Variants in FBXO10 observed in about 807,000 individuals in gnomAD.
FBXO10 encodes F-box protein 10.
A neutral mutation model predicts 80.7 loss-of-function variants in FBXO10; 39 were observed. The ratio of observed to expected loss-of-function variants is 0.48; its 90% CI spans 0.37 to 0.63. FBXO10 has a LOEUF of 0.63. Among genes scored for constraint, FBXO10 ranks in the 30% least tolerant of loss-of-function variants. The pLI, the probability that FBXO10 is intolerant of heterozygous loss-of-function variation, is 0.00. For missense variants in FBXO10, 1,025 were observed against 1,269.0 expected (o/e 0.81, Z 2.92); for synonymous variants, 449 against 489.6 (o/e 0.92, Z 1.09).
chr9:37,515,588 T>C lies in FBXO10; in HGVS notation c.2696+316A>G, dbSNP rs1370748614. On this transcript the variant is annotated intron_variant, in intron 10 of 10. Coordinates refer to ENST00000432825, the MANE Select transcript of FBXO10 (RefSeq NM_012166.3). ...ACAGCCCCTCAGAGATTCAGCCAGA[T>C]AGTGTGATCTTATTAAATGGATTTT... 1.8e-5 allele frequency: 4 copies of C among 216,588 alleles called. 1 individual carries two copies. Among genetic ancestry groups the C allele is most frequent in the Non-Finnish European group, 3.6e-5 (4 of 110,858 alleles). The allele number at this position is 216,588 out of a possible 1,614,324, so 13.4% of individuals were successfully genotyped here. A position where few individuals can be genotyped will look rare whatever the true frequency, so the allele number is the denominator to read the frequency against.
intron 4 of FBXO10, among the ~76,000 whole-genome samples, chr9:37,529,507 G>A (rs1463529490): frequency 6.6e-6 from 1 of 152,186 alleles, no homozygotes; most frequent in Non-Finnish European, 1.5e-5. Flanking sequence ...AGCCTCTTAG[G>A]AGGGCTCTTG....
At position 37,537,429 on chromosome 9, in the gene FBXO10, T is replaced by A; in HGVS notation, c.1100A>T (p.Glu367Val). Reference protein sequence around the residue: ...GLSPSGEDEDEDQLMYRLSYQ... With the variant: ...GLSPSGEDEDVDQLMYRLSYQ... ...GGATAGTCTGTACATCAGCTGGTCC[T>A]CATCTTCATCCTCACCGCTGGGACT... Residue 367 changes from glutamate to valine, a missense_variant, in exon 3 of 11, where the codon GAG becomes GTG. Around this residue, in one of 3 missense-constraint regions of FBXO10, gnomAD observed 450 missense variants for 499.4 expected, o/e 0.90. Transcript: ENST00000432825. 1.2e-6 allele frequency: 2 copies of A among 1,600,834 alleles called. No individual in the cohort carries two copies. The highest frequency in any genetic ancestry group is 1.7e-6 in the Non-Finnish European group (2 of 1,173,454).
At chr9:37,528,676 G>A (rs1383919306) in intron 5 of FBXO10, among the ~76,000 whole-genome samples, 2 of 152,176 alleles carry the variant, frequency 1.3e-5, no homozygotes, top group African/African-American at 4.8e-5. Flanking sequence ...TCCCAGGACT[G>A]CCACTGCTGC....
chr9:37,572,965 G>A (rs957469408), intron 1 of FBXO10, among the ~76,000 whole-genome samples: 3 of 152,138 alleles, frequency 2.0e-5, no homozygotes, highest in African/African-American at 7.2e-5. Context: ...CAGGGTACAT[G>A]CCAAGTAAAT....
chr9:37,518,541 G>A, intron 8 of FBXO10, 103 bp from the exon 9 acceptor site: 3 of 994,370 alleles, frequency 3.0e-6, no homozygotes, highest in South Asian at 3.4e-5. Context: ...GGAGAACGGA[G>A]TGGAGAAGAA....
intron 3 of FBXO10, among the ~76,000 whole-genome samples, chr9:37,533,974 A>G (rs1452120851): frequency 6.6e-6 from 1 of 152,096 alleles, no homozygotes; most frequent in South Asian, 2.1e-4. Context: ...TAAGTAATCT[A>G]GAGATGACTG....
chr9:37,525,243 T>C, intron 5 of FBXO10, 71 bp from the exon 6 acceptor site: 7 of 1,392,542 alleles, frequency 5.0e-6, no homozygotes, highest in Non-Finnish European at 7.0e-6. Context: ...GGAGACTGCC[T>C]TCTTTCATGG....
intron 1 of FBXO10, among the ~76,000 whole-genome samples, chr9:37,544,325 C>T (rs1333661855): frequency 6.6e-6 from 1 of 152,064 alleles, no homozygotes; most frequent in Non-Finnish European, 1.5e-5. Flanking sequence ...CTCAGCTACT[C>T]AGGAGGCTGA....
chr9:37,521,122 AT>A (rs765735732), intron 8 of FBXO10, among the ~76,000 whole-genome samples: 1 of 152,238 alleles, frequency 6.6e-6, no homozygotes, highest in Non-Finnish European at 1.5e-5. Flanking sequence ...TTCAAGTTTA[AT>A]GAATAAATAC....
rs1000820434 is a variant in FBXO10, at chr9:37,522,573, C to T, written c.1930+252G>A. On this transcript the variant is annotated intron_variant, in intron 7 of 10. Coordinates refer to ENST00000432825, the MANE Select transcript of FBXO10 (RefSeq NM_012166.3). ...CCTGTCCTTAAGACATGACACAACT[C>T]CTGTCTTTTGCTATTTTAAAAGGGG... is the stretch of plus-strand genomic sequence containing the variant. 5.2e-5 allele frequency: 66 copies of T among 1,281,090 alleles called. 1 individual carries two copies. The Middle Eastern group carries it at 1.2e-3, about 23-fold the overall frequency. The allele number at this position is 1,281,090 out of a possible 1,614,324, so 79.4% of individuals were successfully genotyped here.
intron 1 of FBXO10, among the ~76,000 whole-genome samples, chr9:37,571,714 CATAT>C (rs71494672): frequency 0.32 from 30,152 of 92,976 alleles, 4,670 homozygotes; most frequent in Non-Finnish European, 0.38. Flanking sequence ...AAAAGAGAGC[CATAT>C]ATATATATAT....
At chr9:37,571,181 C>A (rs944537629) in intron 1 of FBXO10, among the ~76,000 whole-genome samples, 1 of 152,034 alleles carries the variant, frequency 6.6e-6, no homozygotes, top group Admixed American at 6.6e-5. Flanking sequence ...GGCTTCATCA[C>A]CAAGTTCTAT....
intron 9 of FBXO10, among the ~76,000 whole-genome samples, chr9:37,516,639 C>A (rs192188064): frequency 3.4e-4 from 52 of 152,286 alleles, no homozygotes; most frequent in Admixed American, 3.3e-3. Flanking sequence ...ATGCAACCAA[C>A]CTAACTGCCC....
intron 9 of FBXO10, among the ~76,000 whole-genome samples, chr9:37,517,123 C>G (rs972997580): frequency 6.6e-6 from 1 of 152,124 alleles, no homozygotes; most frequent in African/African-American, 2.4e-5. Flanking sequence ...ATCCTATGTC[C>G]TTACTTGCTC....
intron 1 of FBXO10, among the ~76,000 whole-genome samples, chr9:37,543,172 A>G (rs1268723915): frequency 1.3e-5 from 2 of 152,340 alleles, no homozygotes; most frequent in East Asian, 3.9e-4. Context: ...CTGAACACCT[A>G]TGGGCTGGCT....
chr9:37,525,130 C>A lies in FBXO10; in HGVS notation c.1749G>T (p.Val583=). Residue 583 remains valine (V), a synonymous_variant, in exon 6 of 11, where the codon GTG becomes GTT. Coordinates refer to ENST00000432825, the MANE Select transcript of FBXO10 (RefSeq NM_012166.3). Reference sequence around the variant, plus strand: ...TGATGAGGCCTTTGCCGTTCTCATTCACTGCTATGCCGGCAGCACGGCCCT... The same window carrying A: ...TGATGAGGCCTTTGCCGTTCTCATTAACTGCTATGCCGGCAGCACGGCCCT... ...IFKGRAAGIA[V]NENGKGLITE... 6.4e-7 allele frequency: 1 copy of A among 1,565,134 alleles called. No homozygotes were observed. Among genetic ancestry groups the A allele is most frequent in the South Asian group, 1.2e-5 (1 of 84,626 alleles).
chr9:37,524,880 G>C (rs1458587786), intron 6 of FBXO10, among the ~76,000 whole-genome samples: 1 of 152,234 alleles, frequency 6.6e-6, no homozygotes, highest in Non-Finnish European at 1.5e-5. Context: ...GTGAGGGCCT[G>C]TCGGCTCTGG....
At chr9:37,521,430 G>T in intron 8 of FBXO10, 139 bp downstream of exon 8, 1 of 1,094,494 alleles carries the variant, frequency 9.1e-7, no homozygotes, top group Non-Finnish European at 1.2e-6. Flanking sequence ...TGATTTTTCT[G>T]CCCTACCCAG....
intron 1 of FBXO10, among the ~76,000 whole-genome samples, chr9:37,561,386 G>A (rs561170465): frequency 6.6e-6 from 1 of 152,010 alleles, no homozygotes; most frequent in Non-Finnish European, 1.5e-5. Context: ...AGAACTCAGA[G>A]TTTCTGTGTA....
Sources: gnomAD v4.1 joint callset for allele counts (sites outside exome capture counted in the v4.1 genomes callset) on GRCh38, gnomAD v4.1.1 for gene constraint, gnomAD v4.1.1 regional missense constraint, MANE v1.5 for transcripts, NCBI Gene and HGNC (gene_info 2026-07-23, HGNC 2026-07-21) for gene names.